Variants in COL12A1 observed in about 807,000 individuals in gnomAD.
COL12A1 encodes the protein collagen type XII alpha 1 chain.
In COL12A1, 114 loss-of-function variants were observed where a neutral mutation model predicts 349.7. The observed-to-expected ratio is 0.33, with a 90% confidence interval of 0.28 to 0.38. The LOEUF (loss-of-function observed/expected upper bound fraction) is 0.38, where lower values mean the gene tolerates loss of function less well. Among genes scored for constraint, COL12A1 ranks in the 10% least tolerant of loss-of-function variants. The pLI, the probability that COL12A1 is intolerant of heterozygous loss-of-function variation, is 1.00. For missense variants in COL12A1, 3,284 were observed against 3,756.9 expected (o/e 0.87, Z 3.29); for synonymous variants, 1,369 against 1,329.0 (o/e 1.03, Z -0.66).
intron 47 of COL12A1, among the ~76,000 whole-genome samples, chr6:75,116,332 G>C (rs938815409): frequency 2.0e-5 from 3 of 152,014 alleles, no homozygotes; most frequent in Admixed American, 2.0e-4. Context: ...AATTACAGGA[G>C]GAATTTTTCA....
intron 64 of COL12A1, 93 bp from the exon 65 acceptor site, chr6:75,087,840 C>G (rs1046409074): frequency 1.6e-6 from 2 of 1,253,752 alleles, no homozygotes; most frequent in African/African-American, 3.1e-5. Context: ...TCCACTGTCT[C>G]AAAATTAGAC....
chr6:75,130,015 C>T, intron 37 of COL12A1, 76 bp downstream of exon 37: 2 of 1,531,418 alleles, frequency 1.3e-6, no homozygotes, highest in Non-Finnish European at 8.9e-7. Context: ...TCACAGCATA[C>T]CTCTAAAGAA....
At chr6:75,189,432 A>G in intron 6 of COL12A1, 51 bp from the exon 7 acceptor site, 2 of 1,586,786 alleles carry the variant, frequency 1.3e-6, no homozygotes, top group Non-Finnish European at 1.7e-6. Context: ...CAATTTTTCC[A>G]AAGTCAAAAA....
At chr6:75,102,519 G>T in intron 56 of COL12A1, 78 bp downstream of exon 56, 3 of 1,157,158 alleles carry the variant, frequency 2.6e-6, no homozygotes, top group South Asian at 2.5e-5. Context: ...CATTTGATTT[G>T]GCAAAATGTA....
intron 51 of COL12A1, among the ~76,000 whole-genome samples, chr6:75,109,584 C>T (rs1173232240): frequency 6.6e-6 from 1 of 152,086 alleles, no homozygotes; most frequent in Non-Finnish European, 1.5e-5. Flanking sequence ...CTAAATTCAA[C>T]TTTCAGTTTG....
chr6:75,176,190 G>A (rs1471716319), intron 12 of COL12A1, among the ~76,000 whole-genome samples: 1 of 152,208 alleles, frequency 6.6e-6, no homozygotes, highest in African/African-American at 2.4e-5. Flanking sequence ...GTTGCAGGGG[G>A]AAGAGAGGAG....
rs1177841747 is a variant in COL12A1, at chr6:75,090,261, A to G, written c.8790T>C (p.Ile2930=). 8.7e-6 allele frequency: 14 copies of G among 1,613,150 alleles called. No homozygotes were observed. The highest frequency in any genetic ancestry group is 1.3e-5 in the African/African-American group (1 of 74,856). ...TGCGACTGGACTGGTAATCATTTGG[A>G]ATCTGATTCAGCATCTGATTGAATC... is the stretch of plus-strand genomic sequence containing the variant. ...MNRFNQMLNQ[I]PNDYQSSRNQ... Residue 2930 remains isoleucine (I), a synonymous_variant, in exon 63 of 66, where the codon ATT becomes ATC. Transcript: ENST00000322507. The surrounding 1 kb of genome is among the most constrained non-coding windows in gnomAD (Gnocchi z 4.1).
At chr6:75,128,679 G>A (rs1263415106) in intron 37 of COL12A1, among the ~76,000 whole-genome samples, 1 of 152,136 alleles carries the variant, frequency 6.6e-6, no homozygotes, top group Non-Finnish European at 1.5e-5. Context: ...TAACATCTTT[G>A]AAGAAAACTG....
In COL12A1 at chr6:75,175,145, G is replaced by A. The variant is rs572007088; in HGVS notation, c.2603C>T (p.Thr868Met). The A allele has an allele frequency of 3.8e-5, 62 of 1,614,082 alleles. 1 individual carries two copies. The highest frequency in any genetic ancestry group is 3.2e-4 in the South Asian group (29 of 91,080). ...EVTVRGDTTN[T>M]VLQGLKEGTQ... ...CCCTTCCTTCAATCCCTGCAGCACC[G>A]TATTGGTTGTATCTCCCCTCACAGT... The change falls in exon 13 of 66, where the codon ACG becomes ATG. Residue 868 changes from threonine (T) to methionine (M), a missense_variant. This residue lies in a region of COL12A1 where 2,601 missense variants were observed against 2,824.8 expected (regional missense o/e 0.92). Coordinates refer to ENST00000322507, the MANE Select transcript of COL12A1 (RefSeq NM_004370.6).
Position 75,192,195 on chromosome 6 carries a change from T to A in COL12A1, c.334+17A>T. ...AATAAAAATTATACAAATATTTTAT[T>A]TTATATGTGTGCTTACTTGTTAGTT... On this transcript the variant is annotated intron_variant, in intron 4 of 65. Transcript: ENST00000322507. The A allele has an allele frequency of 6.8e-7, 1 of 1,462,138 alleles. No individual in the cohort carries two copies. Among genetic ancestry groups the A allele is most frequent in the Non-Finnish European group, 9.1e-7 (1 of 1,096,540 alleles). The allele number at this position is 1,462,138 out of a possible 1,614,324, so 90.6% of individuals were successfully genotyped here.
chr6:75,163,706 T>C (rs573933896), intron 14 of COL12A1, among the ~76,000 whole-genome samples: 2 of 152,240 alleles, frequency 1.3e-5, no homozygotes, highest in African/African-American at 2.4e-5. Flanking sequence ...TTTCTGTTCA[T>C]CAATGTTTAA....
intron 32 of COL12A1, among the ~76,000 whole-genome samples, chr6:75,134,232 T>C (rs1026781332): frequency 1.3e-5 from 2 of 152,144 alleles, no homozygotes; most frequent in Non-Finnish European, 2.9e-5. Context: ...AGTAACATCT[T>C]TCTCCACAAA....
At chr6:75,119,298 C>A in intron 45 of COL12A1, 52 bp downstream of exon 45, 1 of 1,604,530 alleles carries the variant, frequency 6.2e-7, no homozygotes, top group South Asian at 1.1e-5. Flanking sequence ...ATAATACACT[C>A]AGTTCTGCCA....
intron 8 of COL12A1, among the ~76,000 whole-genome samples, chr6:75,187,957 T>G (rs1769721547): frequency 1.3e-5 from 2 of 152,140 alleles, no homozygotes; most frequent in South Asian, 4.1e-4. Context: ...CCTTAGCTAG[T>G]TAGCAGAAAC....
chr6:75,124,145 A>G (rs1208883695), intron 41 of COL12A1, 51 bp from the exon 42 acceptor site: 2 of 1,595,936 alleles, frequency 1.3e-6, no homozygotes, highest in African/African-American at 2.7e-5. Flanking sequence ...ATTATATTTC[A>G]AGAAAATTTT....
At chr6:75,143,843 C>A (rs1173561686) in intron 25 of COL12A1, among the ~76,000 whole-genome samples, 1 of 152,112 alleles carries the variant, frequency 6.6e-6, no homozygotes, top group Non-Finnish European at 1.5e-5. Flanking sequence ...CAACATTAAG[C>A]ATCCAATAAG....
At chr6:75,140,655 C>CAAAAAAAAAAAAAAAAAAAAAAAA (rs1236499281) in intron 27 of COL12A1, among the ~76,000 whole-genome samples, 6 of 46,132 alleles carry the variant, frequency 1.3e-4, no homozygotes, top group African/African-American at 5.4e-4. Context: ...GACTCTGTCT[C>CAAAAAAAAAAAAAAAAAAAAAAAA]AAAAAAAAAA....
rs1766222190 is a variant in COL12A1, at chr6:75,130,008, C to T, written c.6210+83G>A. 13 of 1,504,030 alleles carry T rather than the reference C, an allele frequency of 8.6e-6. No individual in the cohort carries two copies. In the South Asian group the frequency reaches 9.8e-5, roughly 11 times the overall value. The allele number at this position is 1,504,030 out of a possible 1,614,324, so 93.2% of individuals were successfully genotyped here. On this transcript the variant is annotated intron_variant, in intron 37 of 65. Transcript: ENST00000322507. ...ACTATCAAGGACTCAACCGTACTCA[C>T]AGCATACCTCTAAAGAAGTTTAACT... is the stretch of plus-strand genomic sequence containing the variant.
intron 2 of COL12A1, among the ~76,000 whole-genome samples, chr6:75,199,134 T>C (rs879220719): frequency 6.6e-6 from 1 of 152,206 alleles, no homozygotes; most frequent in Non-Finnish European, 1.5e-5. Context: ...CATTAAACTT[T>C]CCGGATCAAC....
Sources: allele counts gnomAD v4.1 joint callset (sites outside exome capture counted in the v4.1 genomes callset), GRCh38; gene constraint gnomAD v4.1.1; regional missense constraint gnomAD v4.1.1; non-coding constraint Gnocchi (gnomAD v3.1); transcripts MANE v1.5; gene names NCBI Gene and HGNC (gene_info 2026-07-23, HGNC 2026-07-21).